ELAVL1: variants seen among roughly 807,000 people sequenced by gnomAD.
ELAVL1 encodes the protein ELAV-like protein 1.
ELAVL1 carries 1 observed loss-of-function variant against 28.4 expected under a neutral mutation model. That is an observed-to-expected ratio of 0.04 (90% CI 0.01 to 0.17). The LOEUF (loss-of-function observed/expected upper bound fraction) is 0.17. Among genes scored for constraint, ELAVL1 ranks in the 10% least tolerant of loss-of-function variants. The pLI is 1.00. For synonymous variants in ELAVL1, 174 were observed against 183.5 expected (o/e 0.95, Z 0.42); for missense variants, 157 against 447.2 (o/e 0.35, Z 5.85).
At chr19:7,996,484 T>C (rs762546905) in intron 1 of ELAVL1, among the ~76,000 whole-genome samples, 1 of 148,556 alleles carries the variant, frequency 6.7e-6, no homozygotes. Flanking sequence ...CCACCACGCC[T>C]GGCCCAGAAC....
intron 3 of ELAVL1, among the ~76,000 whole-genome samples, chr19:7,980,450 C>T (rs376257727): frequency 2.0e-5 from 3 of 152,240 alleles, no homozygotes; most frequent in Non-Finnish European, 2.9e-5. Flanking sequence ...TGCACGAGAG[C>T]GCGGGTCAGA....
intron 4 of ELAVL1, 77 bp downstream of exon 4, chr19:7,973,648 G>A (rs751418576): frequency 8.6e-6 from 13 of 1,510,988 alleles, no homozygotes; most frequent in East Asian, 2.3e-5. Context: ...AAAATCAAAC[G>A]GTGATCTGCC....
rs781070161 is a variant in ELAVL1, at chr19:7,981,211, T to C, written c.173-25A>G. On this transcript the variant is annotated intron_variant, in intron 2 of 5. Transcript: ENST00000407627. This position sits in a 1 kb window ranked among gnomAD's most constrained non-coding sequence, Gnocchi z 4.2. ...CCTGTGCAAGAGAACATGAAGACAT[T>C]GGTAAGCCAACCGTCTGCGAGTGAG... The C allele has an allele frequency of 1.2e-6, 2 of 1,613,402 alleles. No individual in the cohort carries two copies. The highest frequency in any genetic ancestry group is 2.2e-5 in the South Asian group (2 of 91,070).
rs186814941 is a variant in ELAVL1 at position 7,963,792 on chromosome 19, G to A, written c.672C>T (p.Gly224=). ...QAQRFRFSPM[G]VDHMSGLSGV... is the part of the protein sequence containing the mutation. ...CAGAGAGCCCGCTCATGTGATCGAC[G>A]CCCATGGGGGAGAACCTGGCAGACA... The change falls in exon 6 of 6, where the codon GGC becomes GGT. Residue 224 remains glycine, a synonymous_variant. Transcript: ENST00000407627. The surrounding 1 kb of genome is among the most constrained non-coding windows in gnomAD (Gnocchi z 4.5). 133 of 1,613,610 alleles carry A rather than the reference G, an allele frequency of 8.2e-5. No homozygotes were observed. The highest frequency in any genetic ancestry group is 7.1e-4 in the East Asian group (32 of 44,880).
chr19:8,003,753 C>T (rs2081077491), intron 1 of ELAVL1, among the ~76,000 whole-genome samples: 1 of 151,082 alleles, frequency 6.6e-6, no homozygotes, highest in Non-Finnish European at 1.5e-5. Flanking sequence ...CAGACTGAAA[C>T]TCTGTCTGCT....
At chr19:7,968,999 C>CT (rs1183014039) in intron 4 of ELAVL1, among the ~76,000 whole-genome samples, 1 of 152,156 alleles carries the variant, frequency 6.6e-6, no homozygotes, top group Admixed American at 6.5e-5. Flanking sequence ...AGTGACATCA[C>CT]TAGGCGGGAG....
At position 7,962,584 on chromosome 19, in the gene ELAVL1, T is replaced by C. The variant is rs1984841346; in HGVS notation, c.*899A>G. 1 of 152,616 alleles carries C rather than the reference T, an allele frequency of 6.6e-6. No individual in the cohort carries two copies. The highest frequency in any genetic ancestry group is 1.5e-5 in the Non-Finnish European group (1 of 68,048). 9.5% of individuals were successfully genotyped at this position (152,616 alleles called of 1,614,324 possible). A position where few individuals can be genotyped will look rare whatever the true frequency, so the allele number is the denominator to read the frequency against. ...TGCGAGAAATACAATGCTCAAATGT[T>C]TCTGTGTTATTAAAATACAGAGCCA... On this transcript the variant is annotated 3_prime_UTR_variant, in exon 6 of 6. Transcript: ENST00000407627.
chr19:7,973,703 G>C (rs369601623), intron 4 of ELAVL1, 22 bp downstream of exon 4: 50 of 1,604,656 alleles, frequency 3.1e-5, no homozygotes, highest in Non-Finnish European at 4.1e-5. Context: ...CCCTCCCCAC[G>C]CGTCTGGGGC....
Position 7,963,861 on chromosome 19 carries a change from T to TG in ELAVL1, c.657-55dup. The TG allele has an allele frequency of 6.4e-7, 1 of 1,568,720 alleles. No homozygotes were observed. Among genetic ancestry groups the TG allele is most frequent in the Non-Finnish European group, 8.7e-7 (1 of 1,155,594 alleles). On this transcript the variant is annotated intron_variant, in intron 5 of 5. Transcript: ENST00000407627. The surrounding 1 kb of genome is among the most constrained non-coding windows in gnomAD (Gnocchi z 4.5). The stretch of plus-strand genomic sequence containing the variant: ...ACGGTCAGCGCAGGCGGCCTGGGGA[T>TG]GGGGCAAGGCCTGGACGCATGCTGA...
intron 2 of ELAVL1, among the ~76,000 whole-genome samples, chr19:7,986,750 T>C (rs1428879687): frequency 3.9e-5 from 6 of 152,210 alleles, no homozygotes; most frequent in African/African-American, 1.4e-4. Context: ...CGACCGATGA[T>C]GATGGGATCG....
At chr19:7,985,200 G>A (rs140041408) in intron 2 of ELAVL1, among the ~76,000 whole-genome samples, 12 of 152,340 alleles carry the variant, frequency 7.9e-5, no homozygotes, top group South Asian at 6.2e-4. Context: ...GATTATAGGC[G>A]TGCGCCACCG....
chr19:7,963,992 G>C lies in ELAVL1; in HGVS notation c.657-185C>G, dbSNP rs1035918685. 1.3e-5 allele frequency among the ~76,000 whole-genome samples: 2 copies of C among 152,240 alleles called. No individual in the cohort carries two copies. The highest frequency in any genetic ancestry group is 4.8e-5 in the African/African-American group (2 of 41,462). ...GGAGGAATTAAATACAGTAGTGGAG[G>C]GGCGGGACCCTGTTCTGTAGGGAGC... On this transcript the variant is annotated intron_variant, in intron 5 of 5. Coordinates refer to ENST00000407627, the MANE Select transcript of ELAVL1 (RefSeq NM_001419.3). This position sits in a 1 kb window ranked among gnomAD's most constrained non-coding sequence, Gnocchi z 4.5.
At position 7,981,234 on chromosome 19, in the gene ELAVL1, G is replaced by A. The variant is rs775595134; in HGVS notation, c.173-48C>T. The A allele has an allele frequency of 3.2e-6, 5 of 1,583,818 alleles. No homozygotes were observed. Among genetic ancestry groups the A allele is most frequent in the Admixed American group, 3.3e-5 (2 of 59,940 alleles). On this transcript the variant is annotated intron_variant, in intron 2 of 5. Transcript: ENST00000407627. This position sits in a 1 kb window ranked among gnomAD's most constrained non-coding sequence, Gnocchi z 4.2. ...ATTGGTAAGCCAACCGTCTGCGAGT[G>A]AGGGACAGGGAGGTCGGGAAGCACT...
rs1008204408 is a variant in ELAVL1 at position 7,963,910 on chromosome 19, G to T, written c.657-103C>A. On this transcript the variant is annotated intron_variant, in intron 5 of 5. Transcript: ENST00000407627. This position sits in a 1 kb window ranked among gnomAD's most constrained non-coding sequence, Gnocchi z 4.5. ...GACCATGGCCGCTGGGCCCCATCCCGCTCTGCGCAGCCACGAGGTGCTCAC... is the reference window on the plus strand; with the variant it reads ...GACCATGGCCGCTGGGCCCCATCCCTCTCTGCGCAGCCACGAGGTGCTCAC... The T allele has an allele frequency of 2.3e-6, 3 of 1,292,828 alleles. No individual in the cohort carries two copies. Among genetic ancestry groups the T allele is most frequent in the Non-Finnish European group, 3.1e-6 (3 of 952,642 alleles). 80.1% of individuals were successfully genotyped at this position (1,292,828 alleles called of 1,614,324 possible). A position where few individuals can be genotyped will look rare whatever the true frequency, so the allele number is the denominator to read the frequency against.
rs1490765545 is a variant in ELAVL1 at position 7,959,852 on chromosome 19, T to C, written c.*3631A>G. ...GCTAAGGAGCTGCCTCAGGTCCTAG[T>C]AGGTGAGGTAGGTCTGGGGAAGATG... On this transcript the variant is annotated 3_prime_UTR_variant, in exon 6 of 6. Transcript: ENST00000407627. The C allele has an allele frequency of 1.3e-5, 2 of 150,568 alleles. No individual in the cohort carries two copies. Among genetic ancestry groups the C allele is most frequent in the East Asian group, 3.9e-4 (2 of 5,094 alleles). 9.3% of individuals were successfully genotyped at this position (150,568 alleles called of 1,614,324 possible).
chr19:7,973,324 G>A (rs911791099), intron 4 of ELAVL1: 10 of 294,896 alleles, frequency 3.4e-5, no homozygotes, highest in African/African-American at 1.8e-4. Context: ...TCCGCTTCCC[G>A]GGTTCATGCC....
At chr19:8,003,592 T>G (rs1267372303) in intron 1 of ELAVL1, among the ~76,000 whole-genome samples, 1 of 147,234 alleles carries the variant, frequency 6.8e-6, no homozygotes, top group African/African-American at 2.5e-5. Flanking sequence ...CTCGGGAGGC[T>G]GAGGCAGAAG....
At chr19:7,999,154 C>T (rs1204043713) in intron 1 of ELAVL1, among the ~76,000 whole-genome samples, 1 of 152,224 alleles carries the variant, frequency 6.6e-6, no homozygotes, top group African/African-American at 2.4e-5. Context: ...AGGCGGATCA[C>T]CTGAGGTCAG....
chr19:7,984,107 C>T (rs1487613898), intron 2 of ELAVL1, among the ~76,000 whole-genome samples: 1 of 152,164 alleles, frequency 6.6e-6, no homozygotes, highest in African/African-American at 2.4e-5. Context: ...CTGCCAACAT[C>T]ACCGAGGGAG....
Sources: allele counts gnomAD v4.1 joint callset (sites outside exome capture counted in the v4.1 genomes callset), GRCh38; gene constraint gnomAD v4.1.1; non-coding constraint Gnocchi (gnomAD v3.1); transcripts MANE v1.5; gene names NCBI Gene and HGNC (gene_info 2026-07-23, HGNC 2026-07-21).